Variants in LGI2 observed in about 807,000 individuals in gnomAD.
LGI2 encodes leucine-rich repeat LGI family member 2.
LGI2 carries 30 observed loss-of-function variants against 52.0 expected under a neutral mutation model. The ratio of observed to expected loss-of-function variants is 0.58; its 90% CI spans 0.43 to 0.78. The LOEUF (loss-of-function observed/expected upper bound fraction) is 0.78, where lower values mean the gene tolerates loss of function less well. Among genes scored for constraint, LGI2 ranks in the 30% least tolerant of loss-of-function variants. LGI2 has a pLI of 0.00. For synonymous variants in LGI2, 270 were observed against 271.8 expected (o/e 0.99, Z 0.06); for missense variants, 573 against 692.5 (o/e 0.83, Z 1.94).
chr4:25,016,194 T>C (rs1046368124), intron 6 of LGI2, among the ~76,000 whole-genome samples: 2 of 152,116 alleles, frequency 1.3e-5, no homozygotes, highest in Non-Finnish European at 2.9e-5. Context: ...GCTCAGAAAA[T>C]ATGTTTTCTT....
chr4:25,015,714 G>A (rs968050318), intron 6 of LGI2, among the ~76,000 whole-genome samples: 1 of 143,830 alleles, frequency 7.0e-6, no homozygotes, highest in South Asian at 2.5e-4. Flanking sequence ...CCGACCCCAC[G>A]CCCCTACTCC....
chr4:25,008,847 G>A (rs1490724883), intron 7 of LGI2, among the ~76,000 whole-genome samples: 3 of 152,174 alleles, frequency 2.0e-5, no homozygotes, highest in African/African-American at 4.8e-5. Flanking sequence ...TGGAGACTGA[G>A]GGGCTGAGGA....
rs200856599 is a variant in LGI2, at chr4:25,003,962, G to A, written c.1127C>T (p.Ala376Val). Residue 376 changes from alanine to valine, a missense_variant, in exon 8 of 8, where the codon GCG (alanine) becomes GTG (valine). Coordinates refer to ENST00000382114, the MANE Select transcript of LGI2 (RefSeq NM_018176.4). ...SLHEWFRDTD[A>V]EFVDIDGKSH... ...TTTTCCATCGATATCAACAAACTCC[G>A]CATCCGTGTCCCTGAACCACTCGTG... The A allele has an allele frequency of 5.1e-5, 82 of 1,614,026 alleles. No individual in the cohort carries two copies. Among genetic ancestry groups the A allele is most frequent in the African/African-American group, 1.1e-4 (8 of 74,912 alleles).
At chr4:25,008,608 G>T (rs1193710744) in intron 7 of LGI2, among the ~76,000 whole-genome samples, 1 of 149,576 alleles carries the variant, frequency 6.7e-6, no homozygotes, top group Non-Finnish European at 1.5e-5. Flanking sequence ...CCAATACAAT[G>T]CTGATCCCAT....
intron 4 of LGI2, among the ~76,000 whole-genome samples, chr4:25,021,205 C>G (rs1442698861): frequency 6.6e-6 from 1 of 152,144 alleles, no homozygotes; most frequent in African/African-American, 2.4e-5. Context: ...CCCACTCACA[C>G]TAAGTGCTTA....
intron 6 of LGI2, among the ~76,000 whole-genome samples, chr4:25,013,580 C>T (rs886513795): frequency 5.3e-5 from 8 of 152,178 alleles, no homozygotes; most frequent in Admixed American, 5.2e-4. Flanking sequence ...GAAAGAAGCA[C>T]TTTTAGTTAC....
At chr4:25,012,818 G>A (rs1028224523) in intron 6 of LGI2, among the ~76,000 whole-genome samples, 5 of 152,186 alleles carry the variant, frequency 3.3e-5, no homozygotes, top group Admixed American at 6.5e-5. Flanking sequence ...GTGGTAAGAC[G>A]GACAGGACGC....
At chr4:25,011,753 C>G (rs1203864665) in intron 7 of LGI2, among the ~76,000 whole-genome samples, 4 of 152,184 alleles carry the variant, frequency 2.6e-5, no homozygotes, top group Non-Finnish European at 4.4e-5. Context: ...AGTCCACATT[C>G]AGTAGGGCTA....
chr4:25,011,170 G>A (rs1725571707), intron 7 of LGI2, among the ~76,000 whole-genome samples: 1 of 151,926 alleles, frequency 6.6e-6, no homozygotes, highest in Non-Finnish European at 1.5e-5. Flanking sequence ...AGGAGAAAAG[G>A]CAGAGAGACC....
rs1011529221 is a variant in LGI2 at position 25,014,570 on chromosome 4, G to A, written c.656-2071C>T. Among the ~76,000 whole-genome samples the A allele has an allele frequency of 2.7e-5, 4 of 148,934 alleles. No homozygotes were observed. The East Asian group carries it at 8.3e-4, about 31-fold the overall frequency. ...AGGCAAGATAGGCAAGATGGCTTGT[G>A]CCTGTAATCCTGGCAGCTTGGGAGG... On this transcript the variant is annotated intron_variant, in intron 6 of 7. Coordinates refer to ENST00000382114, the MANE Select transcript of LGI2 (RefSeq NM_018176.4).
intron 4 of LGI2, among the ~76,000 whole-genome samples, chr4:25,023,567 G>C (rs1299047610): frequency 1.3e-5 from 2 of 152,120 alleles, no homozygotes; most frequent in Non-Finnish European, 1.5e-5. Flanking sequence ...GCCAATATCG[G>C]GGCTTGATGT....
Position 25,028,486 on chromosome 4 carries a change from G to A in LGI2, c.269+21C>T, listed in dbSNP as rs767473795. ...GCACCTCAGGGCCCCCCATTGTGCA[G>A]AGGGAACTTCCCATACTCACAGCAG... On this transcript the variant is annotated intron_variant, in intron 2 of 7. Coordinates refer to ENST00000382114, the MANE Select transcript of LGI2 (RefSeq NM_018176.4). The A allele has an allele frequency of 7.5e-6, 12 of 1,610,562 alleles. 1 individual carries two copies. The South Asian group carries it at 1.0e-4, about 13-fold the overall frequency.
chr4:25,014,328 C>A (rs565123363), intron 6 of LGI2, among the ~76,000 whole-genome samples: 11 of 152,316 alleles, frequency 7.2e-5, no homozygotes, highest in Admixed American at 2.6e-4. Context: ...GAGCATTTTA[C>A]AAATCTAGCC....
At chr4:25,022,389 G>C (rs191559892) in intron 4 of LGI2, among the ~76,000 whole-genome samples, 1 of 152,196 alleles carries the variant, frequency 6.6e-6, no homozygotes, top group South Asian at 2.1e-4. Flanking sequence ...AGCGCCGAAA[G>C]CTTGATGTTC....
intron 6 of LGI2, among the ~76,000 whole-genome samples, chr4:25,012,737 G>A (rs532137263): frequency 6.6e-6 from 1 of 152,254 alleles, no homozygotes; most frequent in Non-Finnish European, 1.5e-5. Context: ...TTCCTGTGGA[G>A]AAACAGCTTC....
chr4:24,994,192 A>G (rs897605572), downstream of LGI2, among the ~76,000 whole-genome samples: 1 of 152,188 alleles, frequency 6.6e-6, no homozygotes, highest in African/African-American at 2.4e-5. Flanking sequence ...CTACAGAAAG[A>G]TCCTCTCTTG....
At chr4:25,007,793 A>G (rs1725441384) in intron 7 of LGI2, among the ~76,000 whole-genome samples, 2 of 152,280 alleles carry the variant, frequency 1.3e-5, no homozygotes, top group Non-Finnish European at 2.9e-5. Flanking sequence ...GTGCACATGG[A>G]CAGCTGGAGC....
chr4:25,025,403 T>C (rs114362024), intron 3 of LGI2, among the ~76,000 whole-genome samples: 23 of 152,288 alleles, frequency 1.5e-4, no homozygotes, highest in African/African-American at 5.3e-4. Context: ...GTTTATCGTG[T>C]CCTACACCAT....
chr4:24,992,929 G>A, the LGI2 span, among the ~76,000 whole-genome samples: 1 of 152,182 alleles, frequency 6.6e-6, no homozygotes, highest in Admixed American at 6.5e-5. Context: ...GCATATTTAT[G>A]GATTAAAAAT....
Sources: allele counts gnomAD v4.1 joint callset (sites outside exome capture counted in the v4.1 genomes callset), GRCh38; gene constraint gnomAD v4.1.1; transcripts MANE v1.5; gene names NCBI Gene and HGNC (gene_info 2026-07-23, HGNC 2026-07-21).